The following MALL variants were observed in gnomAD, a reference collection of about 807,000 sequenced individuals.
MALL encodes the protein mal, T cell differentiation protein like.
MALL carries 2 observed loss-of-function variants against 10.3 expected under a neutral mutation model. The observed-to-expected ratio is 0.19, with a 90% CI of 0.08 to 0.61. The LOEUF is 0.61. Ranked by LOEUF, MALL falls within the 20% of genes least tolerant of loss-of-function variation. MALL has a pLI of 0.88. For synonymous variants in MALL, 27 were observed against 51.8 expected, an observed-to-expected ratio of 0.52 and a Z score of 2.05; for missense variants, 39 against 115.2, an observed-to-expected ratio of 0.34 and a Z score of 3.03.
rs143156653 is a variant in MALL, at chr2:110,105,488, CA to C, written c.105+10199del. Among the ~76,000 whole-genome samples the C allele has an allele frequency of 1.9e-3, 289 of 152,292 alleles. 2 individuals are homozygous for C. In the East Asian group the frequency reaches 0.031, roughly 16 times the overall value. On this transcript the variant is annotated intron_variant, in intron 1 of 3. Coordinates refer to ENST00000272462, the MANE Select transcript of MALL (RefSeq NM_005434.5). ...GTGGCTCCCATGTCCTGCAGGAGAA[CA>C]GAAGAGAAGGGTGCTGCCCTGTGGG...
At chr2:110,104,278 G>C (rs114965675) in intron 1 of MALL, among the ~76,000 whole-genome samples, 5 of 152,052 alleles carry the variant, frequency 3.3e-5, no homozygotes, top group African/African-American at 1.2e-4. Flanking sequence ...TCTGTTCATC[G>C]AGCCTTCCAA....
At chr2:110,110,162 T>A (rs1333844920) in intron 1 of MALL, among the ~76,000 whole-genome samples, 1 of 151,710 alleles carries the variant, frequency 6.6e-6, no homozygotes, top group Non-Finnish European at 1.5e-5. Flanking sequence ...CTCAAGGAAC[T>A]AGAGAATCAA....
chr2:110,105,589 A>G (rs1033164425), intron 1 of MALL, among the ~76,000 whole-genome samples: 2 of 152,238 alleles, frequency 1.3e-5, no homozygotes, highest in African/African-American at 4.8e-5. Flanking sequence ...GAAAGGCTGA[A>G]GCATGAAAAG....
intron 1 of MALL, among the ~76,000 whole-genome samples, chr2:110,108,266 A>T (rs1242135830): frequency 1.3e-5 from 2 of 152,182 alleles, no homozygotes; most frequent in African/African-American, 2.4e-5. Context: ...GTGAAGCCCA[A>T]TGCAAAGGAA....
intron 1 of MALL, among the ~76,000 whole-genome samples, chr2:110,103,717 C>A (rs912576522): frequency 6.6e-6 from 1 of 152,270 alleles, no homozygotes; most frequent in East Asian, 1.9e-4. Context: ...GTCTGTGGAC[C>A]CCTCCGGGTG....
chr2:110,097,025 A>G (rs1678456160), intron 1 of MALL, among the ~76,000 whole-genome samples: 2 of 151,798 alleles, frequency 1.3e-5, no homozygotes, highest in Non-Finnish European at 2.9e-5. Flanking sequence ...CCCTTTATCC[A>G]GAGGGGACCA....
chr2:110,115,836 G>T (rs1382031447), upstream of MALL: 5 of 949,236 alleles, frequency 5.3e-6, no homozygotes, highest in African/African-American at 8.5e-5. Context: ...TCGCCCGCGC[G>T]CAGCCTGTCA....
chr2:110,106,740 C>A (rs1487472274), intron 1 of MALL, among the ~76,000 whole-genome samples: 1 of 152,062 alleles, frequency 6.6e-6, no homozygotes, highest in African/African-American at 2.4e-5. Flanking sequence ...CTGAGCATTA[C>A]CCCCACACAA....
At chr2:110,111,519 A>G (rs1678800435) in intron 1 of MALL, among the ~76,000 whole-genome samples, 1 of 152,032 alleles carries the variant, frequency 6.6e-6, no homozygotes, top group South Asian at 2.1e-4. Context: ...AGGAATATAC[A>G]TAACAAAGGA....
chr2:110,114,647 A>G (rs150946176), intron 1 of MALL, among the ~76,000 whole-genome samples: 5 of 151,444 alleles, frequency 3.3e-5, no homozygotes, highest in Admixed American at 1.3e-4. Context: ...GTCGCCATCA[A>G]TGGCTAACCC....
At chr2:110,107,500 G>A (rs1054657469) in intron 1 of MALL, among the ~76,000 whole-genome samples, 1 of 152,116 alleles carries the variant, frequency 6.6e-6, no homozygotes, top group Admixed American at 6.5e-5. Context: ...AGTAACTTGG[G>A]AATCTCACCT....
chr2:110,105,176 CT>C (rs1250482644), intron 1 of MALL, among the ~76,000 whole-genome samples: 2 of 152,216 alleles, frequency 1.3e-5, no homozygotes, highest in Non-Finnish European at 2.9e-5. Context: ...CAGAGCCAGA[CT>C]TTAGGCCCCA....
intron 1 of MALL, among the ~76,000 whole-genome samples, chr2:110,110,464 C>T (rs919950457): frequency 4.0e-5 from 6 of 151,878 alleles, no homozygotes; most frequent in Non-Finnish European, 5.9e-5. Context: ...AACTAGAAAA[C>T]CTAGAGGAGA....
rs865862755 is a variant in MALL, at chr2:110,115,693, C to T, written c.100G>A (p.Glu34Lys). Residue 34 changes from glutamate (E) to lysine (K), a missense_variant, in exon 1 of 4, where the codon GAG becomes AAG. Physicochemically the swap from Glu to Lys is moderately conservative, Grantham distance 56 (BLOSUM62 1). Around this residue, in one of 2 missense-constraint regions of MALL, gnomAD observed 39 missense variants for 48.0 expected, o/e 0.81. Coordinates refer to ENST00000272462, the MANE Select transcript of MALL (RefSeq NM_005434.5). ...GTCGGGGGTGCCGCACTCACCAGCT[C>T]GGGCAGGAAGAAGGCGAAAGGGATG... ...LTIPFAFFLP[E>K]LIFGFLVWTM... The T allele has an allele frequency of 7.8e-7, 1 of 1,281,738 alleles. No homozygotes were observed. The highest frequency in any genetic ancestry group is 9.9e-7 in the Non-Finnish European group (1 of 1,007,334). 79.4% of individuals were successfully genotyped at this position (1,281,738 alleles called of 1,614,324 possible). A position where few individuals can be genotyped will look rare whatever the true frequency, so the allele number is the denominator to read the frequency against.
At chr2:110,117,394 T>C (rs17842649), upstream of MALL, among the ~76,000 whole-genome samples, 1 of 152,068 alleles carries the variant, frequency 6.6e-6, no homozygotes, top group Non-Finnish European at 1.5e-5. Context: ...ATCTATGAAA[T>C]GGAGAAAATA....
chr2:110,117,606 T>TAA (rs1205242377), upstream of MALL, among the ~76,000 whole-genome samples: 5 of 131,346 alleles, frequency 3.8e-5, no homozygotes, highest in Non-Finnish European at 8.2e-5. Flanking sequence ...TGTGTGTGTG[T>TAA]GTGTGTGTGT....
At chr2:110,097,095 C>CAAAAA in intron 1 of MALL, among the ~76,000 whole-genome samples, 3 of 139,708 alleles carry the variant, frequency 2.1e-5, no homozygotes, top group East Asian at 4.2e-4. Flanking sequence ...CAAAACAAAA[C>CAAAAA]AAAAAAAAAA....
intron 1 of MALL, among the ~76,000 whole-genome samples, chr2:110,100,108 G>A (rs1012623527): frequency 2.6e-5 from 4 of 151,978 alleles, no homozygotes; most frequent in African/African-American, 9.7e-5. Flanking sequence ...ACTTCCCCCA[G>A]TCCTGGGACT....
At chr2:110,112,046 C>G (rs1013411201) in intron 1 of MALL, among the ~76,000 whole-genome samples, 6 of 152,146 alleles carry the variant, frequency 3.9e-5, no homozygotes, top group Non-Finnish European at 7.4e-5. Context: ...GGGATTGAAA[C>G]TGGATCCTCA....
Sources: allele counts gnomAD v4.1 joint callset (sites outside exome capture counted in the v4.1 genomes callset), GRCh38; gene constraint gnomAD v4.1.1; regional missense constraint gnomAD v4.1.1; transcripts MANE v1.5; gene names NCBI Gene and HGNC (gene_info 2026-07-23, HGNC 2026-07-21).